Variants in VPS53 observed in about 807,000 individuals in gnomAD.
VPS53 encodes the protein VPS53 subunit of GARP complex.
Under a neutral mutation model 107.0 loss-of-function variants are expected in VPS53, and 70 were observed. The ratio of observed to expected loss-of-function variants is 0.65; its 90% confidence interval spans 0.54 to 0.80. The LOEUF (loss-of-function observed/expected upper bound fraction) is 0.80, where lower values mean the gene tolerates loss of function less well. Among genes scored for constraint, VPS53 ranks in the 30% least tolerant of loss-of-function variants. The probability of loss-of-function intolerance (pLI) is 0.00; values close to 1 mark genes in which losing one functional copy is unlikely to be tolerated. For synonymous variants in VPS53, 409 were observed against 393.3 expected, an observed-to-expected ratio of 1.04 and a Z score of -0.47; for missense variants, 917 against 1,049.4, an observed-to-expected ratio of 0.87 and a Z score of 1.74.
At chr17:533,800 C>T (rs1567603254) in intron 18 of VPS53, among the ~76,000 whole-genome samples, 1 of 152,008 alleles carries the variant, frequency 6.6e-6, no homozygotes, top group African/African-American at 2.4e-5. Context: ...GGGTCTGAGA[C>T]ATAGGAGATG....
rs35522489 is a variant in VPS53 at position 712,177 on chromosome 17, CTTTTT to C, written c.88-1569_88-1565del. ...TTTTCATGTCTAGAGTGACTTTCGCCTTTTTTTTTTTTTTTTTTTTCGAGATGGAG... is the reference window on the plus strand; with the variant it reads ...TTTTCATGTCTAGAGTGACTTTCGCCTTTTTTTTTTTTTTTCGAGATGGAG... On this transcript the variant is annotated intron_variant, in intron 1 of 21. Coordinates refer to ENST00000437048, the MANE Select transcript of VPS53 (RefSeq NM_001128159.3). 2.2e-4 allele frequency among the ~76,000 whole-genome samples: 22 copies of C among 98,466 alleles called. 1 individual carries two copies. The highest frequency in any genetic ancestry group is 7.9e-4 in the African/African-American group (18 of 22,784). 64.6% of individuals were successfully genotyped at this position (98,466 alleles called of 152,430 possible).
intron 17 of VPS53, among the ~76,000 whole-genome samples, chr17:547,737 A>G (rs1254939884): frequency 6.6e-6 from 1 of 152,176 alleles, no homozygotes. Context: ...TCCCAGGTTC[A>G]AGAGATTCTC....
chr17:512,799 A>T lies in VPS53; in HGVS notation c.*6329T>A, dbSNP rs867088290. 6.6e-6 allele frequency: 1 copy of T among 152,048 alleles called. No individual in the cohort carries two copies. Among genetic ancestry groups the T allele is most frequent in the African/African-American group, 2.4e-5 (1 of 41,392 alleles). The allele number at this position is 152,048 out of a possible 1,614,324, so 9.4% of individuals were successfully genotyped here. A position where few individuals can be genotyped will look rare whatever the true frequency, so the allele number is the denominator to read the frequency against. ...GACTCATGCGTGCAGGAGAGAAATC[A>T]CTAAAGGACACAAGACTTCCCAAAG... On this transcript the variant is annotated 3_prime_UTR_variant, in exon 22 of 22. Coordinates refer to ENST00000437048, the MANE Select transcript of VPS53 (RefSeq NM_001128159.3).
chr17:607,147 A>C (rs1382880912), intron 11 of VPS53, among the ~76,000 whole-genome samples: 2 of 152,220 alleles, frequency 1.3e-5, no homozygotes, highest in African/African-American at 4.8e-5. Flanking sequence ...AAACAAGGCA[A>C]AACTGTTGTG....
At chr17:638,167 T>A (rs1970273392) in intron 7 of VPS53, among the ~76,000 whole-genome samples, 1 of 152,196 alleles carries the variant, frequency 6.6e-6, no homozygotes, top group Non-Finnish European at 1.5e-5. Flanking sequence ...TACCATTAAG[T>A]AATGGCCTTC....
At chr17:626,632 T>A (rs331012) in intron 10 of VPS53, among the ~76,000 whole-genome samples, 2,219 of 152,044 alleles carry the variant, frequency 0.015, 29 homozygotes, top group Non-Finnish European at 0.022. Flanking sequence ...TGGGATTGTA[T>A]CACTGCAGCA....
chr17:550,193 C>T (rs1911696101), intron 17 of VPS53, among the ~76,000 whole-genome samples: 1 of 152,152 alleles, frequency 6.6e-6, no homozygotes. Flanking sequence ...CACGTTGGCC[C>T]AGACAGGTGA....
chr17:538,221 C>T (rs1910266801), intron 17 of VPS53: 1 of 152,376 alleles, frequency 6.6e-6, no homozygotes, highest in South Asian at 2.1e-4. Flanking sequence ...ATGGGTGCAG[C>T]ACCAGCTCCT....
intron 17 of VPS53, among the ~76,000 whole-genome samples, chr17:541,617 C>T (rs934426012): frequency 5.6e-5 from 8 of 143,332 alleles, no homozygotes; most frequent in Non-Finnish European, 9.1e-5. Context: ...TATCAAGCAC[C>T]GACTACGCAC....
chr17:564,106 C>T (rs1029964309), intron 13 of VPS53, among the ~76,000 whole-genome samples: 1 of 145,420 alleles, frequency 6.9e-6, no homozygotes, highest in Non-Finnish European at 1.5e-5. Context: ...AAAAATTAGC[C>T]GGGTGTGGGC....
intron 4 of VPS53, among the ~76,000 whole-genome samples, chr17:664,477 T>C (rs748831276): frequency 2.6e-4 from 39 of 151,726 alleles, no homozygotes; most frequent in Non-Finnish European, 4.7e-4. Context: ...AGACAGTAGG[T>C]GGTAGTGCAA....
chr17:709,893 T>G (rs1973573955), intron 2 of VPS53, among the ~76,000 whole-genome samples: 1 of 152,132 alleles, frequency 6.6e-6, no homozygotes, highest in Non-Finnish European at 1.5e-5. Context: ...ACGCCTGTAA[T>G]CCCAGCACTT....
At chr17:539,762 G>A (rs1021575365) in intron 17 of VPS53, among the ~76,000 whole-genome samples, 1 of 152,142 alleles carries the variant, frequency 6.6e-6, no homozygotes, top group African/African-American at 2.4e-5. Context: ...CATTAAGACC[G>A]AACTTCGCAG....
At chr17:601,924 TG>T (rs1968346206) in intron 11 of VPS53, 28 bp from the exon 12 acceptor site, 1 of 1,486,744 alleles carries the variant, frequency 6.7e-7, no homozygotes, top group East Asian at 2.4e-5. Context: ...GAAAGAGAAG[TG>T]TTTTCTGAGC....
chr17:531,778 T>A, intron 19 of VPS53, among the ~76,000 whole-genome samples: 1 of 131,980 alleles, frequency 7.6e-6, no homozygotes, highest in Non-Finnish European at 1.6e-5. Flanking sequence ...TTATTCTTTT[T>A]TTTTTTTTTT....
intron 13 of VPS53, among the ~76,000 whole-genome samples, chr17:585,714 G>A (rs1346359147): frequency 2.0e-5 from 3 of 152,136 alleles, no homozygotes; most frequent in African/African-American, 4.8e-5. Context: ...AGATCAAAGA[G>A]ATCTGACAAC....
At chr17:623,807 C>T (rs2143023385) in intron 10 of VPS53, 133 bp from the exon 11 acceptor site, 3 of 955,144 alleles carry the variant, frequency 3.1e-6, no homozygotes, top group Admixed American at 6.3e-5. Context: ...GGTCTGTTAC[C>T]ACCTTAGTCT....
At chr17:656,670 C>T in intron 5 of VPS53, 1 of 564,356 alleles carries the variant, frequency 1.8e-6, no homozygotes. Context: ...AAATCATCCA[C>T]TGTGTTTCTT....
At chr17:628,321 A>C (rs1168410623) in intron 8 of VPS53, 90 bp from the exon 9 acceptor site, 4 of 1,481,162 alleles carry the variant, frequency 2.7e-6, no homozygotes, top group Non-Finnish European at 3.7e-6. Flanking sequence ...ATCTCTACGC[A>C]TTGTCAGTCT....
Sources: allele counts gnomAD v4.1 joint callset (sites outside exome capture counted in the v4.1 genomes callset), GRCh38; gene constraint gnomAD v4.1.1; transcripts MANE v1.5; gene names NCBI Gene and HGNC (gene_info 2026-07-23, HGNC 2026-07-21).